The following PITPNM2 variants were observed in gnomAD, a reference collection of about 807,000 sequenced individuals.
PITPNM2 encodes the protein membrane-associated phosphatidylinositol transfer protein 2.
In PITPNM2, 35 loss-of-function variants were observed where a neutral mutation model predicts 132.2. That is an observed-to-expected ratio of 0.26 (90% CI 0.20 to 0.35). PITPNM2 has a LOEUF of 0.35. PITPNM2 is among the 10% of genes least tolerant of loss of function. The pLI, the probability that PITPNM2 is intolerant of heterozygous loss-of-function variation, is 1.00. For synonymous variants in PITPNM2, 738 were observed against 799.2 expected (o/e 0.92, Z 1.29); for missense variants, 1,332 against 1,912.0 (o/e 0.70, Z 5.66).
chr12:122,992,461 C>T lies in PITPNM2; in HGVS notation c.2404+38G>A, dbSNP rs1293374291. ...GAGCCAGGGAGCCACGCTTACCCCA[C>T]CTTCCCCCAGAGGAGTGGGGCGGAA... On this transcript the variant is annotated intron_variant, in intron 16 of 25. Coordinates refer to ENST00000320201, the MANE Select transcript of PITPNM2 (RefSeq NM_020845.3). This position sits in a 1 kb window ranked among gnomAD's most constrained non-coding sequence, Gnocchi z 6.5. 6.3e-7 allele frequency: 1 copy of T among 1,575,872 alleles called. No homozygotes were observed. The highest frequency in any genetic ancestry group is 8.6e-7 in the Non-Finnish European group (1 of 1,161,208).
At chr12:123,041,738 A>G (rs2040484495) in intron 2 of PITPNM2, among the ~76,000 whole-genome samples, 1 of 152,080 alleles carries the variant, frequency 6.6e-6, no homozygotes, top group Non-Finnish European at 1.5e-5. Context: ...AGACAGAGAA[A>G]AAAAAACACA....
intron 3 of PITPNM2, 65 bp downstream of exon 3, chr12:123,034,448 T>A (rs2040203248): frequency 5.5e-6 from 8 of 1,463,212 alleles, no homozygotes; most frequent in African/African-American, 4.2e-5. Context: ...CTAACCCACA[T>A]GTGGTGTCTG....
chr12:123,128,908 G>A (rs1193074209), intron 1 of PITPNM2, among the ~76,000 whole-genome samples: 3 of 152,230 alleles, frequency 2.0e-5, no homozygotes, highest in African/African-American at 7.2e-5. Context: ...GGCCAAGAGG[G>A]CGTATCACCT....
At chr12:123,051,025 T>C (rs1264230333) in intron 2 of PITPNM2, among the ~76,000 whole-genome samples, 1 of 152,218 alleles carries the variant, frequency 6.6e-6, no homozygotes, top group Non-Finnish European at 1.5e-5. Flanking sequence ...TCTCATGTAC[T>C]ACAATATGAA....
intron 1 of PITPNM2, among the ~76,000 whole-genome samples, chr12:123,120,464 A>G (rs766499988): frequency 1.4e-4 from 21 of 152,296 alleles, no homozygotes; most frequent in Non-Finnish European, 2.2e-4. Context: ...CTCTGCAAGT[A>G]GAGTGATGAC....
intron 2 of PITPNM2, among the ~76,000 whole-genome samples, chr12:123,103,324 ACT>A (rs769870678): frequency 6.6e-6 from 1 of 151,938 alleles, no homozygotes; most frequent in Non-Finnish European, 1.5e-5. Context: ...TGACAGCAAG[ACT>A]CTCTTATTTG....
rs186900746 is a variant in PITPNM2 at position 123,139,288 on chromosome 12, C to T, written c.-200+11465G>A. On this transcript the variant is annotated intron_variant, in intron 1 of 25. Transcript: ENST00000320201. ...GGCCGAGGCAGGCGGATCACAAGGTCAGGAGATGGAGACCATCCTGGCTAA... is the reference window on the plus strand; with the variant it reads ...GGCCGAGGCAGGCGGATCACAAGGTTAGGAGATGGAGACCATCCTGGCTAA... Among the ~76,000 whole-genome samples the T allele has an allele frequency of 1.1e-3, 175 of 152,218 alleles. 3 individuals are homozygous for T. In the East Asian group the frequency reaches 0.026, roughly 22 times the overall value.
rs1009758876 is a variant in PITPNM2, at chr12:123,117,773, A to G, written c.-199-7285T>C. Among the ~76,000 whole-genome samples the G allele has an allele frequency of 1.2e-4, 19 of 152,188 alleles. No individual in the cohort carries two copies. The highest frequency in any genetic ancestry group is 4.3e-4 in the African/African-American group (18 of 41,434). On this transcript the variant is annotated intron_variant, in intron 1 of 25. Coordinates refer to ENST00000320201, the MANE Select transcript of PITPNM2 (RefSeq NM_020845.3). The surrounding 1 kb of genome is among the most constrained non-coding windows in gnomAD (Gnocchi z 4.7). ...TCATTGTTCAATATCTCACTATGAC[A>G]GACTCTGGCATGGTCCAATTTCCTC...
chr12:122,995,211 G>A (rs1020672471), intron 14 of PITPNM2, among the ~76,000 whole-genome samples, 178 bp downstream of exon 14: 2 of 152,202 alleles, frequency 1.3e-5, no homozygotes, highest in African/African-American at 2.4e-5. Context: ...GTGTATATGA[G>A]ACAAGGCATC....
rs2042483969 is a variant in PITPNM2 at position 123,099,047 on chromosome 12, T to C, written c.-96+11338A>G. Among the ~76,000 whole-genome samples the C allele has an allele frequency of 6.6e-6, 1 of 152,174 alleles. No homozygotes were observed. Among genetic ancestry groups the C allele is most frequent in the Admixed American group, 6.5e-5 (1 of 15,272 alleles). Reference sequence around the variant, plus strand: ...GTCAGCTGCTGCCTTCTCTCTGCTCTAGCTGCACTCTGTGCCTCCCTTCTG... The same window carrying C: ...GTCAGCTGCTGCCTTCTCTCTGCTCCAGCTGCACTCTGTGCCTCCCTTCTG... On this transcript the variant is annotated intron_variant, in intron 2 of 25. Transcript: ENST00000320201. The surrounding 1 kb of genome is among the most constrained non-coding windows in gnomAD (Gnocchi z 4.2).
At chr12:122,991,833 C>T (rs369347251) in intron 16 of PITPNM2, 38 of 1,303,718 alleles carry the variant, frequency 2.9e-5, no homozygotes, top group Non-Finnish European at 3.1e-5. Context: ...AAGCCGTCCC[C>T]GTGGGGGAGA....
In PITPNM2 at chr12:123,077,503, G is replaced by A. The variant is rs184369699; in HGVS notation, c.-96+32882C>T. On this transcript the variant is annotated intron_variant, in intron 2 of 25. Coordinates refer to ENST00000320201, the MANE Select transcript of PITPNM2 (RefSeq NM_020845.3). This position sits in a 1 kb window ranked among gnomAD's most constrained non-coding sequence, Gnocchi z 4.8. ...CAGGAAAGCAGATTTTCTATGCCCCGTGGCAATCACAGTGGAAAATGGAAG... is the reference window on the plus strand; with the variant it reads ...CAGGAAAGCAGATTTTCTATGCCCCATGGCAATCACAGTGGAAAATGGAAG... 4.0e-3 allele frequency among the ~76,000 whole-genome samples: 614 copies of A among 152,220 alleles called. 2 individuals are homozygous for A. Among genetic ancestry groups the A allele is most frequent in the Non-Finnish European group, 6.4e-3 (432 of 68,008 alleles).
At chr12:123,012,836 G>T in intron 4 of PITPNM2, 102 bp from the exon 5 acceptor site, 3 of 1,471,546 alleles carry the variant, frequency 2.0e-6, no homozygotes, top group Non-Finnish European at 2.8e-6. Flanking sequence ...GCTGGTGAGC[G>T]GGCATGGAAG....
rs2038450973 is a variant in PITPNM2 at position 122,996,829 on chromosome 12, G to C, written c.1554C>G (p.Ala518=). ...HIPLAALPLL[A]TSSPQYQEAV... The stretch of plus-strand genomic sequence containing the variant: ...CCTCCTGGTACTGGGGGGAGGAGGT[G>C]GCCAGCAGGGGGAGGGCAGCCAGGG... Residue 518 remains alanine (A), a synonymous_variant, in exon 12 of 26, where the codon GCC becomes GCG. Transcript: ENST00000320201. 9 of 1,599,396 alleles carry C rather than the reference G, an allele frequency of 5.6e-6. No individual in the cohort carries two copies. In the East Asian group the frequency reaches 2.0e-4, roughly 36 times the overall value.
In PITPNM2 at chr12:123,000,450, G is replaced by T. The variant is rs929677405; in HGVS notation, c.1224+328C>A. 2 of 702,950 alleles carry T rather than the reference G, an allele frequency of 2.8e-6. No homozygotes were observed. Among genetic ancestry groups the T allele is most frequent in the Non-Finnish European group, 5.2e-6 (2 of 384,968 alleles). The allele number at this position is 702,950 out of a possible 1,614,324, so 43.5% of individuals were successfully genotyped here. A position where few individuals can be genotyped will look rare whatever the true frequency, so the allele number is the denominator to read the frequency against. ...TATCTTCAGGGACAGCAGACAGGCT[G>T]GGCACAAGGTGAAGATCTTATTTTT... On this transcript the variant is annotated intron_variant, in intron 10 of 25. Transcript: ENST00000320201. The surrounding 1 kb of genome is among the most constrained non-coding windows in gnomAD (Gnocchi z 5.4).
chr12:123,047,588 A>G (rs2040703444), intron 2 of PITPNM2, among the ~76,000 whole-genome samples: 1 of 152,188 alleles, frequency 6.6e-6, no homozygotes, highest in Admixed American at 6.5e-5. Flanking sequence ...TCTTTCAGTA[A>G]GAATTCTAGT....
rs550688214 is a variant in PITPNM2, at chr12:123,031,394, T to A, written c.78+3119A>T. Among the ~76,000 whole-genome samples the A allele has an allele frequency of 6.6e-6, 1 of 152,290 alleles. No homozygotes were observed. The highest frequency in any genetic ancestry group is 1.5e-5 in the Non-Finnish European group (1 of 68,020). ...CAGAACCCAGCGATGCATCCGCCTGTCTAAGACCCAGCTGGGGCAGGGCTG... is the reference window on the plus strand; with the variant it reads ...CAGAACCCAGCGATGCATCCGCCTGACTAAGACCCAGCTGGGGCAGGGCTG... On this transcript the variant is annotated intron_variant, in intron 3 of 25. Coordinates refer to ENST00000320201, the MANE Select transcript of PITPNM2 (RefSeq NM_020845.3). This position sits in a 1 kb window ranked among gnomAD's most constrained non-coding sequence, Gnocchi z 4.5.
chr12:123,053,708 C>T (rs2040934444), intron 2 of PITPNM2, among the ~76,000 whole-genome samples: 1 of 151,982 alleles, frequency 6.6e-6, no homozygotes, highest in Non-Finnish European at 1.5e-5. Flanking sequence ...GCTAGGATTA[C>T]AGGCATGTGC....
intron 2 of PITPNM2, among the ~76,000 whole-genome samples, chr12:123,035,420 C>A (rs2040231275): frequency 6.6e-6 from 1 of 152,100 alleles, no homozygotes. Flanking sequence ...AATCCCAGCA[C>A]TTTGGGAGGC....
Sources: gnomAD v4.1 joint callset for allele counts (sites outside exome capture counted in the v4.1 genomes callset) on GRCh38, gnomAD v4.1.1 for gene constraint, Gnocchi (gnomAD v3.1) non-coding constraint, MANE v1.5 for transcripts, NCBI Gene and HGNC (gene_info 2026-07-23, HGNC 2026-07-21) for gene names.